The following PLA2R1 variants were observed in gnomAD, a reference collection of about 807,000 sequenced individuals.
PLA2R1 encodes the protein phospholipase A2 receptor 1, also known as secretory phospholipase A2 receptor.
Under a neutral mutation model 195.9 loss-of-function variants are expected in PLA2R1, and 158 were observed. That is an observed-to-expected ratio of 0.81 (90% CI 0.71 to 0.92). The LOEUF (loss-of-function observed/expected upper bound fraction) is 0.92, where lower values mean the gene tolerates loss of function less well. Ranked by LOEUF, PLA2R1 falls within the 40% of genes least tolerant of loss-of-function variation. The pLI, the probability that PLA2R1 is intolerant of heterozygous loss-of-function variation, is 0.00. For synonymous variants in PLA2R1, 586 were observed against 598.2 expected, an observed-to-expected ratio of 0.98 and a Z score of 0.30; for missense variants, 1,626 against 1,764.6, an observed-to-expected ratio of 0.92 and a Z score of 1.41.
At chr2:159,977,477 C>A (rs2105278166) in intron 14 of PLA2R1, 61 bp from the exon 15 acceptor site, 28 of 1,481,926 alleles carry the variant, frequency 1.9e-5, no homozygotes, top group Non-Finnish European at 2.4e-5. Context: ...TTCAAAAGAT[C>A]AAAAAGGGCA....
chr2:160,032,988 G>A lies in PLA2R1; in HGVS notation c.812C>T (p.Thr271Ile), dbSNP rs1447967053. The change falls in exon 4 of 30, where the codon ACA (threonine) becomes ATA (isoleucine). Residue 271 changes from threonine to isoleucine, a missense_variant. By Grantham distance (89) the Thr-to-Ile change is moderately conservative. Transcript: ENST00000283243. ...QMQGGTLLSI[T>I]DETEENFIRE... ...TATGAAATTTTCTTCAGTTTCATCT[G>A]TAATACTTAACAGCGTACCTCCTTG... 2.5e-6 allele frequency: 4 copies of A among 1,612,472 alleles called. No homozygotes were observed. The highest frequency in any genetic ancestry group is 3.4e-6 in the Non-Finnish European group (4 of 1,179,254).
chr2:159,927,935 T>C (rs1281949541), downstream of PLA2R1, among the ~76,000 whole-genome samples: 1 of 152,252 alleles, frequency 6.6e-6, no homozygotes, highest in Non-Finnish European at 1.5e-5. Context: ...GCTTTTGTCA[T>C]CTGTAAAACT....
intron 9 of PLA2R1, among the ~76,000 whole-genome samples, chr2:160,014,234 CTTTTTTT>C (rs5835787): frequency 1.5e-5 from 2 of 129,428 alleles, no homozygotes; most frequent in Non-Finnish European, 3.4e-5. Flanking sequence ...CTTTTTCTTT[CTTTTTTT>C]TTTTTTTTGT....
intron 1 of PLA2R1, among the ~76,000 whole-genome samples, chr2:160,045,654 A>G (rs1353301153): frequency 6.6e-6 from 1 of 152,232 alleles, no homozygotes; most frequent in Non-Finnish European, 1.5e-5. Context: ...CCGAAAGGCT[A>G]TCAGTGAAAT....
At chr2:160,055,356 C>T (rs1695468113) in intron 1 of PLA2R1, among the ~76,000 whole-genome samples, 1 of 152,204 alleles carries the variant, frequency 6.6e-6, no homozygotes, top group Admixed American at 6.5e-5. Context: ...TATCCGATCA[C>T]GCTTTTACTG....
chr2:159,939,611 T>C lies in PLA2R1; in HGVS notation c.*2167A>G, dbSNP rs1687002459. 1 of 151,860 alleles carries C rather than the reference T, an allele frequency of 6.6e-6. No individual in the cohort carries two copies. The highest frequency in any genetic ancestry group is 2.4e-5 in the African/African-American group (1 of 41,314). 9.4% of individuals were successfully genotyped at this position (151,860 alleles called of 1,614,324 possible). A position where few individuals can be genotyped will look rare whatever the true frequency, so the allele number is the denominator to read the frequency against. On this transcript the variant is annotated 3_prime_UTR_variant, in exon 30 of 30. Coordinates refer to ENST00000283243, the MANE Select transcript of PLA2R1 (RefSeq NM_007366.5). ...CTGCAAATTCAGTAATGGCAAGAAG[T>C]GTGTGATCTGTCCATGGGTCCAGAT...
At chr2:159,946,133 A>C (rs1511223) in intron 27 of PLA2R1, 290,882 of 770,604 alleles carry the variant, frequency 0.38, 59,030 homozygotes, top group Non-Finnish European at 0.41. Context: ...GTCTGAAAAT[A>C]ATTTAAAACT....
At chr2:160,058,174 C>CCA in intron 1 of PLA2R1, among the ~76,000 whole-genome samples, 1 of 152,224 alleles carries the variant, frequency 6.6e-6, no homozygotes, top group East Asian at 1.9e-4. Flanking sequence ...TGGATGAACC[C>CCA]AACTAAAACA....
intron 1 of PLA2R1, among the ~76,000 whole-genome samples, chr2:160,058,935 G>A (rs946892009): frequency 6.6e-6 from 1 of 152,178 alleles, no homozygotes; most frequent in Non-Finnish European, 1.5e-5. Context: ...ATATAATGAA[G>A]TAATTATACA....
chr2:159,965,085 G>A (rs996764040), intron 20 of PLA2R1, among the ~76,000 whole-genome samples: 5 of 152,028 alleles, frequency 3.3e-5, no homozygotes, highest in African/African-American at 4.8e-5. Context: ...ACAGCCTCCC[G>A]CATTATCACA....
intron 7 of PLA2R1, among the ~76,000 whole-genome samples, 177 bp from the exon 8 acceptor site, chr2:160,020,440 G>A (rs778416813): frequency 5.8e-4 from 89 of 152,222 alleles, no homozygotes; most frequent in Non-Finnish European, 9.4e-4. Context: ...TCCCTTCCCT[G>A]CTATGGTTTG....
intron 11 of PLA2R1, among the ~76,000 whole-genome samples, chr2:159,993,533 A>G (rs1248803976): frequency 6.6e-6 from 1 of 151,752 alleles, no homozygotes; most frequent in African/African-American, 2.4e-5. Flanking sequence ...ACAAACGACG[A>G]GCACCCTTAA....
rs1687464296 is a variant in PLA2R1, at chr2:159,947,505, A to T, written c.3764T>A (p.Ile1255Lys). The T allele has an allele frequency of 6.2e-7, 1 of 1,613,264 alleles. No individual in the cohort carries two copies. The highest frequency in any genetic ancestry group is 8.5e-7 in the Non-Finnish European group (1 of 1,179,288). ...ACTGTAGCAATTACTTTTAAATTTTATCCAGGGAATAGATGTTTCTGAGCA... is the reference window on the plus strand; with the variant it reads ...ACTGTAGCAATTACTTTTAAATTTTTTCCAGGGAATAGATGTTTCTGAGCA... The part of the protein sequence containing the change: ...ELCSETSIPW[I>K]KFKSNCYSFS... Residue 1255 changes from isoleucine to lysine, a missense_variant, in exon 26 of 30, where the codon ATA (isoleucine) becomes AAA (lysine). By Grantham distance (102) the Ile-to-Lys change is moderately radical. Transcript: ENST00000283243.
chr2:160,042,297 C>T (rs943265690), intron 2 of PLA2R1, 99 bp from the exon 3 acceptor site: 2 of 963,870 alleles, frequency 2.1e-6, no homozygotes, highest in Non-Finnish European at 3.2e-6. Flanking sequence ...CTGAAACCCT[C>T]TTGGGGCAGA....
chr2:160,029,583 C>T (rs943004215), intron 4 of PLA2R1, among the ~76,000 whole-genome samples: 4 of 152,022 alleles, frequency 2.6e-5, no homozygotes, highest in Non-Finnish European at 5.9e-5. Context: ...CTACAACTTG[C>T]AGTTTAATGC....
intron 10 of PLA2R1, among the ~76,000 whole-genome samples, chr2:160,008,235 G>C (rs1365691191): frequency 6.6e-6 from 1 of 152,188 alleles, no homozygotes; most frequent in Non-Finnish European, 1.5e-5. Context: ...GAGCCCAGGA[G>C]GTCAAGGCTG....
intron 4 of PLA2R1, among the ~76,000 whole-genome samples, chr2:160,032,351 G>A (rs1201953191): frequency 6.6e-6 from 1 of 152,196 alleles, no homozygotes; most frequent in Non-Finnish European, 1.5e-5. Context: ...AGAGGTGAAT[G>A]TACACACATA....
chr2:160,023,568 T>G (rs1405716601), intron 6 of PLA2R1, among the ~76,000 whole-genome samples: 1 of 152,222 alleles, frequency 6.6e-6, no homozygotes, highest in African/African-American at 2.4e-5. Context: ...CTACCCCTTG[T>G]TTAGCATATA....
At chr2:159,926,259 C>T in the PLA2R1 span, among the ~76,000 whole-genome samples, 1 of 152,082 alleles carries the variant, frequency 6.6e-6, no homozygotes, top group Admixed American at 6.6e-5. Context: ...TAATAAAGAA[C>T]CCTTGATAAT....
Sources: allele counts gnomAD v4.1 joint callset (sites outside exome capture counted in the v4.1 genomes callset), GRCh38; gene constraint gnomAD v4.1.1; transcripts MANE v1.5; gene names NCBI Gene and HGNC (gene_info 2026-07-23, HGNC 2026-07-21).